The following SRI variants were observed in gnomAD, a reference collection of about 807,000 sequenced individuals.
SRI encodes sorcin.
In SRI, 30 loss-of-function variants were observed where a neutral mutation model predicts 33.3. The observed-to-expected ratio is 0.90, with a 90% CI of 0.67 to 1.22. The LOEUF (loss-of-function observed/expected upper bound fraction) is 1.22, where lower values mean the gene tolerates loss of function less well. Among genes scored for constraint, SRI ranks in the 50% most tolerant of loss-of-function variants. SRI has a pLI of 0.00. For missense variants in SRI, 243 were observed against 250.8 expected (o/e 0.97, Z 0.21); for synonymous variants, 75 against 89.9 (o/e 0.83, Z 0.94).
chr7:88,219,511 C>CT (rs1267200924), intron 1 of SRI: 6 of 190,874 alleles, frequency 3.1e-5, no homozygotes, highest in Admixed American at 5.8e-5. Context: ...CAGGTTTTCC[C>CT]TTTTTTTCCG....
intron 7 of SRI, chr7:88,208,257 C>T: frequency 1.1e-6 from 1 of 927,610 alleles, no homozygotes; most frequent in Non-Finnish European, 1.4e-6. Context: ...CTTAAGTGAC[C>T]CAGCTAATAA....
chr7:88,219,957 C>T lies in SRI; in HGVS notation c.51+19G>A. The T allele has an allele frequency of 6.5e-7, 1 of 1,539,288 alleles. No individual in the cohort carries two copies. On this transcript the variant is annotated intron_variant, in intron 1 of 7. Coordinates refer to ENST00000265729, the MANE Select transcript of SRI (RefSeq NM_003130.4). The stretch of plus-strand genomic sequence containing the variant: ...CCCCGGAGCCGCCTGGGCCGCGATC[C>T]CGCGCAGTCAGCACTTACCCCGCCT...
chr7:88,212,918 C>A (rs1851613789), intron 3 of SRI, among the ~76,000 whole-genome samples: 1 of 152,314 alleles, frequency 6.6e-6, no homozygotes, highest in East Asian at 1.9e-4. Context: ...GACGGCCTGA[C>A]AACCACAGCG....
rs1851439953 is a variant in SRI at position 88,206,416 on chromosome 7, A to G, written c.*62T>C. 3 of 1,595,650 alleles carry G rather than the reference A, an allele frequency of 1.9e-6. No homozygotes were observed. Among genetic ancestry groups the G allele is most frequent in the Non-Finnish European group, 2.6e-6 (3 of 1,163,380 alleles). ...TTTATACATATTACCGAAGGCAAAG[A>G]GGACAAGCAAAGGAGAGCTCCAGTT... is the stretch of plus-strand genomic sequence containing the variant. On this transcript the variant is annotated 3_prime_UTR_variant, in exon 8 of 8. Coordinates refer to ENST00000265729, the MANE Select transcript of SRI (RefSeq NM_003130.4).
At chr7:88,220,933 A>G (rs930663091), upstream of SRI, among the ~76,000 whole-genome samples, 11 of 152,178 alleles carry the variant, frequency 7.2e-5, no homozygotes, top group South Asian at 4.1e-4. Flanking sequence ...ATATTTTTCT[A>G]TCTTCCAGTT....
At chr7:88,215,437 C>A (rs190143161) in intron 3 of SRI, among the ~76,000 whole-genome samples, 394 of 152,356 alleles carry the variant, frequency 2.6e-3, no homozygotes, top group African/African-American at 8.5e-3. Flanking sequence ...TGTGATCTCA[C>A]TGCACTTTGA....
chr7:88,215,055 A>C (rs564257629), intron 3 of SRI: 5 of 412,094 alleles, frequency 1.2e-5, no homozygotes, highest in Non-Finnish European at 2.4e-5. Context: ...AGAAGGGCCC[A>C]TAGGCTCTGA....
intron 1 of SRI, among the ~76,000 whole-genome samples, chr7:88,225,845 A>AT (rs1851981473): frequency 6.6e-6 from 1 of 152,248 alleles, no homozygotes. Context: ...TGCTATTACT[A>AT]TCAATGATAA....
chr7:88,208,897 T>C (rs767146235), intron 6 of SRI: 71 of 335,368 alleles, frequency 2.1e-4, no homozygotes, highest in Non-Finnish European at 3.2e-4. Context: ...ATTTCTAGCT[T>C]CTTAATAACA....
At chr7:88,215,819 C>T (rs1851695949) in intron 3 of SRI, among the ~76,000 whole-genome samples, 2 of 152,196 alleles carry the variant, frequency 1.3e-5, no homozygotes. Flanking sequence ...GAAATTGGGT[C>T]TTCAATTTGA....
Position 88,219,578 on chromosome 7 carries a change from TA to T in SRI, c.51+397del, listed in dbSNP as rs1398688573. 415 of 209,540 alleles carry T rather than the reference TA, an allele frequency of 2.0e-3. 2 individuals are homozygous for T. The highest frequency in any genetic ancestry group is 0.01 in the African/African-American group (402 of 38,986). 13.0% of individuals were successfully genotyped at this position (209,540 alleles called of 1,614,324 possible). A position where few individuals can be genotyped will look rare whatever the true frequency, so the allele number is the denominator to read the frequency against. The stretch of plus-strand genomic sequence containing the variant: ...TTTGTTTGTTTGTTTGTTTGTTTTT[TA>T]AAGGGAGGAAGGTATATCATTCTAG... On this transcript the variant is annotated intron_variant, in intron 1 of 7. Transcript: ENST00000265729.
At chr7:88,219,774 A>T (rs1021914577) in intron 1 of SRI, among the ~76,000 whole-genome samples, 2 of 152,062 alleles carry the variant, frequency 1.3e-5, no homozygotes, top group Non-Finnish European at 2.9e-5. Flanking sequence ...AGGGCCATCC[A>T]GGAGAAGGGA....
chr7:88,210,985 G>A, intron 3 of SRI, 60 bp from the exon 4 acceptor site: 1 of 1,264,826 alleles, frequency 7.9e-7, no homozygotes, highest in South Asian at 1.2e-5. Flanking sequence ...ACATTACACT[G>A]GATACATTCA....
At position 88,206,398 on chromosome 7, in the gene SRI, A is replaced by T; in HGVS notation, c.*80T>A. On this transcript the variant is annotated 3_prime_UTR_variant, in exon 8 of 8. Transcript: ENST00000265729. ...AGAAAGTCGTGATGTAAGTTTATAC[A>T]TATTACCGAAGGCAAAGAGGACAAG... The T allele has an allele frequency of 6.6e-7, 1 of 1,511,236 alleles. No homozygotes were observed. The highest frequency in any genetic ancestry group is 9.2e-7 in the Non-Finnish European group (1 of 1,086,354). 93.6% of individuals were successfully genotyped at this position (1,511,236 alleles called of 1,614,324 possible). A position where few individuals can be genotyped will look rare whatever the true frequency, so the allele number is the denominator to read the frequency against.
At chr7:88,224,955 G>A (rs772202347), upstream of SRI, among the ~76,000 whole-genome samples, 15 of 152,334 alleles carry the variant, frequency 9.8e-5, no homozygotes, top group Non-Finnish European at 1.6e-4. Context: ...GAATAGCTGT[G>A]TGGCTAGTGC....
rs1273285733 is a variant in SRI at position 88,219,975 on chromosome 7, C to G, written c.51+1G>C. On this transcript the variant is annotated splice_donor_variant, in intron 1 of 7. Transcript: ENST00000265729. LOFTEE classifies it high-confidence loss of function. Reference sequence around the variant, plus strand: ...CGCGATCCCGCGCAGTCAGCACTTACCCCGCCTGGGTAGTACCCGCCGCCG... The same window carrying G: ...CGCGATCCCGCGCAGTCAGCACTTAGCCCGCCTGGGTAGTACCCGCCGCCG... The G allele has an allele frequency of 2.6e-6, 4 of 1,540,422 alleles. No homozygotes were observed. Among genetic ancestry groups the G allele is most frequent in the Admixed American group, 3.9e-5 (2 of 51,214 alleles).
At chr7:88,220,152 C>G (rs1333454970), upstream of SRI, 1 of 1,340,540 alleles carries the variant, frequency 7.5e-7, no homozygotes, top group African/African-American at 1.6e-5. Flanking sequence ...ACGCGCTCCG[C>G]AGTCGTCTCC....
At chr7:88,224,610 G>A (rs962545000), upstream of SRI, among the ~76,000 whole-genome samples, 1 of 152,150 alleles carries the variant, frequency 6.6e-6, no homozygotes, top group African/African-American at 2.4e-5. Context: ...TCTTAAGATT[G>A]TTGGGAAAGA....
At chr7:88,212,824 A>G (rs1019155981) in intron 3 of SRI, among the ~76,000 whole-genome samples, 10 of 152,232 alleles carry the variant, frequency 6.6e-5, no homozygotes, top group Non-Finnish European at 1.2e-4. Context: ...TCTGAATGAG[A>G]AACTCTAGGG....
Sources: gnomAD v4.1 joint callset for allele counts (sites outside exome capture counted in the v4.1 genomes callset) on GRCh38, gnomAD v4.1.1 for gene constraint, MANE v1.5 for transcripts, NCBI Gene and HGNC (gene_info 2026-07-23, HGNC 2026-07-21) for gene names.